The following KNOP1 variants were observed in gnomAD, a reference collection of about 807,000 sequenced individuals.
KNOP1 encodes the protein lysine-rich nucleolar protein 1.
A neutral mutation model predicts 30.6 loss-of-function variants in KNOP1; 20 were observed. The observed-to-expected ratio is 0.65, with a 90% CI of 0.46 to 0.95. The LOEUF (loss-of-function observed/expected upper bound fraction) is 0.95, where lower values mean the gene tolerates loss of function less well. Among genes scored for constraint, KNOP1 ranks in the 40% least tolerant of loss-of-function variants. The pLI is 0.00. For synonymous variants in KNOP1, 204 were observed against 210.0 expected, an observed-to-expected ratio of 0.97 and a Z score of 0.25; for missense variants, 540 against 562.0, an observed-to-expected ratio of 0.96 and a Z score of 0.40.
rs1003795165 is a variant in KNOP1 at position 19,718,161 on chromosome 16, T to G, written c.-6A>C. On this transcript the variant is annotated 5_prime_UTR_variant, in exon 1 of 5. Transcript: ENST00000219837. ...TGCAACGCGCCCTGGCACTCACCGG[T>G]GGGCGAAATTTCCCCGCCTCCACGT... The G allele has an allele frequency of 1.4e-6, 2 of 1,476,548 alleles. No individual in the cohort carries two copies. The highest frequency in any genetic ancestry group is 4.5e-5 in the Admixed American group (2 of 44,556). 91.5% of individuals were successfully genotyped at this position (1,476,548 alleles called of 1,614,324 possible).
intron 4 of KNOP1, among the ~76,000 whole-genome samples, 186 bp from the exon 5 acceptor site, chr16:19,707,407 G>T (rs1976439497): frequency 6.6e-6 from 1 of 152,002 alleles, no homozygotes; most frequent in Non-Finnish European, 1.5e-5. Context: ...AAACACTGTT[G>T]TTATTCCCAT....
rs111359545 is a variant in KNOP1, at chr16:19,705,634, C to T, written c.*1276G>A. ...TGGGGCTGGGCACAGTGGCTCACAC[C>T]TGTGATCCCAGCTCTTGGGGGCTGA... On this transcript the variant is annotated 3_prime_UTR_variant, in exon 5 of 5. Coordinates refer to ENST00000219837, the MANE Select transcript of KNOP1 (RefSeq NM_001012991.3). 5.0e-4 allele frequency: 112 copies of T among 222,496 alleles called. No individual in the cohort carries two copies. Among genetic ancestry groups the T allele is most frequent in the African/African-American group, 2.5e-3 (107 of 43,532 alleles). 13.8% of individuals were successfully genotyped at this position (222,496 alleles called of 1,614,324 possible).
intron 2 of KNOP1, 58 bp from the exon 3 acceptor site, chr16:19,711,498 C>T: frequency 6.5e-7 from 1 of 1,534,178 alleles, no homozygotes; most frequent in East Asian, 2.2e-5. Context: ...GCCTCTGCCT[C>T]TGCACCCAGC....
Position 19,707,193 on chromosome 16 carries a change from G to A in KNOP1, c.1094C>T (p.Ala365Val), listed in dbSNP as rs759253330. 3.7e-6 allele frequency: 6 copies of A among 1,613,420 alleles called. No individual in the cohort carries two copies. In the African/African-American group the frequency reaches 8.0e-5, roughly 22 times the overall value. ...TTTTTGGTCCTCGTTCTCAAAACCA[G>A]CAGTATCCCACTGGCCAAACTGGGT... ...TGTQFGQWDT[A>V]GFENEDQKLK... The change falls in exon 5 of 5, where the codon GCT becomes GTT. Residue 365 changes from alanine to valine, a missense_variant. Ala to Val is a moderately conservative substitution (Grantham distance 64). Transcript: ENST00000219837.
At position 19,703,425 on chromosome 16, in the gene KNOP1, T is replaced by A. The variant is rs534056653; in HGVS notation, c.*3485A>T. ...ACCCAGAAACACGGGATCCTCTTCCTGTTTTAAGGTCAGCTGATTAGCAAA... is the reference window on the plus strand; with the variant it reads ...ACCCAGAAACACGGGATCCTCTTCCAGTTTTAAGGTCAGCTGATTAGCAAA... On this transcript the variant is annotated 3_prime_UTR_variant, in exon 5 of 5. Coordinates refer to ENST00000219837, the MANE Select transcript of KNOP1 (RefSeq NM_001012991.3). 1.3e-5 allele frequency: 2 copies of A among 152,218 alleles called. No homozygotes were observed. Among genetic ancestry groups the A allele is most frequent in the Non-Finnish European group, 2.9e-5 (2 of 68,038 alleles). The allele number at this position is 152,218 out of a possible 1,614,324, so 9.4% of individuals were successfully genotyped here. A position where few individuals can be genotyped will look rare whatever the true frequency, so the allele number is the denominator to read the frequency against.
chr16:19,713,082 C>T (rs1318452629), intron 2 of KNOP1, among the ~76,000 whole-genome samples: 1 of 152,068 alleles, frequency 6.6e-6, no homozygotes, highest in Non-Finnish European at 1.5e-5. Context: ...GGACTGATAC[C>T]CGCCCTGTCC....
At chr16:19,717,358 T>C (rs776429156) in intron 1 of KNOP1, 6 of 984,798 alleles carry the variant, frequency 6.1e-6, no homozygotes, top group African/African-American at 1.7e-5. Context: ...AACCTTGAAA[T>C]AGTGTAGTCA....
intron 4 of KNOP1, among the ~76,000 whole-genome samples, chr16:19,708,552 G>A (rs1976541501): frequency 6.6e-6 from 1 of 152,084 alleles, no homozygotes; most frequent in African/African-American, 2.4e-5. Flanking sequence ...AGTGCACGAT[G>A]CATGGCACAC....
intron 4 of KNOP1, among the ~76,000 whole-genome samples, chr16:19,708,519 G>T (rs1182748237): frequency 6.6e-6 from 1 of 152,000 alleles, no homozygotes; most frequent in East Asian, 1.9e-4. Context: ...TGAGACATAC[G>T]TCAGATTTGA....
chr16:19,714,251 G>GGGTCATCACTTATGGGGATGTATTCC lies in KNOP1; in HGVS notation c.759_784dup (p.Pro262ArgfsTer6). The GGGTCATCACTTATGGGGATGTATTCC allele has an allele frequency of 6.2e-7, 1 of 1,614,080 alleles. No individual in the cohort carries two copies. Among genetic ancestry groups the GGGTCATCACTTATGGGGATGTATTCC allele is most frequent in the Non-Finnish European group, 8.5e-7 (1 of 1,180,014 alleles). On this transcript the variant is annotated stop_gained and frameshift_variant, in exon 2 of 5. Coordinates refer to ENST00000219837, the MANE Select transcript of KNOP1 (RefSeq NM_001012991.3). LOFTEE classifies it high-confidence loss of function. ...CATCTTTTTCTTTGCGGAGGCCTTA[G>GGGTCATCACTTATGGGGATGTATTCC]GGTCATCACTTATGGGGATGTATTC...
rs1444934025 is a variant in KNOP1 at position 19,714,651 on chromosome 16, C to A, written c.385G>T (p.Val129Leu). ...SPLAMSHASG[V>L]KTSPDPRQGE... ...TGTCTAGGGTCTGGGGAGGTTTTCA[C>A]CCCAGAGGCATGGGACATGGCTAGA... Residue 129 changes from valine to leucine, a missense_variant, in exon 2 of 5, where the codon GTG becomes TTG. By Grantham distance (32) the Val-to-Leu change is conservative. Transcript: ENST00000219837. 6.2e-7 allele frequency: 1 copy of A among 1,613,992 alleles called. No homozygotes were observed. The highest frequency in any genetic ancestry group is 8.5e-7 in the Non-Finnish European group (1 of 1,179,992).
intron 2 of KNOP1, among the ~76,000 whole-genome samples, chr16:19,712,661 G>C (rs1368051404): frequency 6.6e-6 from 1 of 152,230 alleles, no homozygotes; most frequent in South Asian, 2.1e-4. Flanking sequence ...AGACAGGTAG[G>C]AGGATGAGAT....
rs1302406339 is a variant in KNOP1 at position 19,710,668 on chromosome 16, G to GGGGAAC, written c.988-88_988-83dup. 26 of 1,172,486 alleles carry GGGGAAC rather than the reference G, an allele frequency of 2.2e-5. No individual in the cohort carries two copies. The East Asian group carries it at 5.4e-4, about 24-fold the overall frequency. 72.6% of individuals were successfully genotyped at this position (1,172,486 alleles called of 1,614,324 possible). ...AAAACCCAGGACAGAGACGGGGCTGGGGGAACGGAACGTGGGAGGAACTAA... is the reference window on the plus strand; with the variant it reads ...AAAACCCAGGACAGAGACGGGGCTGGGGGAACGGGAACGGAACGTGGGAGGAACTAA... On this transcript the variant is annotated intron_variant, in intron 3 of 4. Transcript: ENST00000219837.
chr16:19,709,197 G>A (rs555830831), intron 4 of KNOP1, among the ~76,000 whole-genome samples: 1 of 152,294 alleles, frequency 6.6e-6, no homozygotes, highest in African/African-American at 2.4e-5. Context: ...TACAGGCTCA[G>A]GGGAAGGTAC....
At position 19,705,090 on chromosome 16, in the gene KNOP1, G is replaced by T; in HGVS notation, c.*1820C>A. On this transcript the variant is annotated 3_prime_UTR_variant, in exon 5 of 5. Transcript: ENST00000219837. ...GGAAGTTTCCTTGAGACACAAAAAGGCTTTTCTTCCTCTGGAATGTTCTAG... is the reference window on the plus strand; with the variant it reads ...GGAAGTTTCCTTGAGACACAAAAAGTCTTTTCTTCCTCTGGAATGTTCTAG... The T allele has an allele frequency of 2.3e-6, 1 of 444,126 alleles. No homozygotes were observed. The highest frequency in any genetic ancestry group is 4.6e-6 in the Non-Finnish European group (1 of 219,602). 27.5% of individuals were successfully genotyped at this position (444,126 alleles called of 1,614,324 possible).
chr16:19,716,869 G>C (rs565128917), intron 1 of KNOP1, among the ~76,000 whole-genome samples: 4 of 152,200 alleles, frequency 2.6e-5, no homozygotes, highest in Non-Finnish European at 5.9e-5. Context: ...GTGAGACAAG[G>C]TCTGGCTCTG....
intron 1 of KNOP1, among the ~76,000 whole-genome samples, chr16:19,716,039 G>A (rs959541196): frequency 6.6e-6 from 1 of 152,190 alleles, no homozygotes. Flanking sequence ...AACTCAGAGG[G>A]TCCACACTGG....
At chr16:19,710,271 T>C (rs1976638659) in intron 4 of KNOP1, 2 of 585,390 alleles carry the variant, frequency 3.4e-6, no homozygotes, top group East Asian at 2.9e-5. Context: ...GAGACAAAGG[T>C]TCAGGCAGCT....
Position 19,705,498 on chromosome 16 carries a change from TCCCGTGTCATCTCCACA to T in KNOP1, c.*1395_*1411del. 3.2e-6 allele frequency: 1 copy of T among 311,150 alleles called. No homozygotes were observed. The allele number at this position is 311,150 out of a possible 1,614,324, so 19.3% of individuals were successfully genotyped here. A position where few individuals can be genotyped will look rare whatever the true frequency, so the allele number is the denominator to read the frequency against. ...TGTCCCCACAGCCGATGAGGCAACT[TCCCGTGTCATCTCCACA>T]CGTTCATCTCCTCCTGGCATTCAAT... On this transcript the variant is annotated 3_prime_UTR_variant, in exon 5 of 5. Transcript: ENST00000219837.
Sources: allele counts gnomAD v4.1 joint callset (sites outside exome capture counted in the v4.1 genomes callset), GRCh38; gene constraint gnomAD v4.1.1; transcripts MANE v1.5; gene names NCBI Gene and HGNC (gene_info 2026-07-23, HGNC 2026-07-21).